Variants in CDH12 observed in about 807,000 individuals in gnomAD.
The protein encoded by CDH12 is cadherin-12.
CDH12 carries 41 observed loss-of-function variants against 74.1 expected under a neutral mutation model. The ratio of observed to expected loss-of-function variants is 0.55; its 90% CI spans 0.43 to 0.72. The LOEUF is 0.72. CDH12 is among the 30% of genes least tolerant of loss of function. The probability of loss-of-function intolerance (pLI) is 0.00; values close to 1 mark genes in which losing one functional copy is unlikely to be tolerated. For synonymous variants in CDH12, 399 were observed against 355.0 expected (o/e 1.12, Z -1.39); for missense variants, 945 against 977.2 (o/e 0.97, Z 0.44).
chr5:22,194,905 T>G (rs1323913432), intron 4 of CDH12, among the ~76,000 whole-genome samples: 1 of 152,042 alleles, frequency 6.6e-6, no homozygotes, highest in Non-Finnish European at 1.5e-5. Flanking sequence ...ACACAAGACT[T>G]TTTTTCTAAG....
At chr5:22,703,913 C>A (rs535802465) in intron 1 of CDH12, among the ~76,000 whole-genome samples, 1 of 152,026 alleles carries the variant, frequency 6.6e-6, no homozygotes, top group Admixed American at 6.6e-5. Flanking sequence ...TATTAAAACT[C>A]TTGGACAAAT....
intron 1 of CDH12, among the ~76,000 whole-genome samples, chr5:22,530,950 A>AT (rs1398633330): frequency 1.9e-4 from 29 of 152,110 alleles, no homozygotes; most frequent in African/African-American, 4.8e-4. Context: ...TCTAAGCTAG[A>AT]TTTTTTCTTA....
At chr5:21,996,714 A>C (rs1174314549) in intron 5 of CDH12, among the ~76,000 whole-genome samples, 1 of 152,204 alleles carries the variant, frequency 6.6e-6, no homozygotes, top group Admixed American at 6.5e-5. Flanking sequence ...GTTAAAAATA[A>C]AACAAGTTTT....
At chr5:22,797,057 C>T (rs1366311166) in intron 1 of CDH12, among the ~76,000 whole-genome samples, 4 of 151,666 alleles carry the variant, frequency 2.6e-5, no homozygotes, top group Non-Finnish European at 5.9e-5. Context: ...TTGCTGTAGA[C>T]TGAATGTTTG....
chr5:22,125,304 C>A (rs571705475), intron 4 of CDH12, among the ~76,000 whole-genome samples: 2 of 152,198 alleles, frequency 1.3e-5, no homozygotes, highest in South Asian at 4.2e-4. Flanking sequence ...TGTTCCCCTC[C>A]CTGTGTCCAT....
chr5:22,450,922 A>G (rs945637539), intron 2 of CDH12, among the ~76,000 whole-genome samples: 2 of 143,450 alleles, frequency 1.4e-5, no homozygotes, highest in Admixed American at 7.2e-5. Context: ...TAGGAACTAG[A>G]TTATCTTTCT....
At chr5:22,069,159 G>A (rs1460100539) in intron 5 of CDH12, among the ~76,000 whole-genome samples, 1 of 152,122 alleles carries the variant, frequency 6.6e-6, no homozygotes, top group Non-Finnish European at 1.5e-5. Flanking sequence ...CTTCCACACA[G>A]CACTGCTTCT....
intron 8 of CDH12, among the ~76,000 whole-genome samples, chr5:21,818,621 G>A (rs1304301387): frequency 6.6e-6 from 1 of 151,862 alleles, no homozygotes; most frequent in African/African-American, 2.4e-5. Flanking sequence ...GAACATATAT[G>A]TGATTTGGTC....
chr5:22,074,548 T>G (rs997602832), intron 5 of CDH12, among the ~76,000 whole-genome samples: 2 of 152,010 alleles, frequency 1.3e-5, no homozygotes, highest in African/African-American at 4.8e-5. Context: ...GGGAGAAAAT[T>G]TTTGCCATCT....
At chr5:22,356,728 T>G (rs2150469293) in intron 3 of CDH12, among the ~76,000 whole-genome samples, 1 of 152,246 alleles carries the variant, frequency 6.6e-6, no homozygotes, top group South Asian at 2.1e-4. Context: ...ACCAGTATCT[T>G]CAATACCAAT....
At chr5:22,258,831 G>A (rs887493415) in intron 3 of CDH12, among the ~76,000 whole-genome samples, 2 of 152,106 alleles carry the variant, frequency 1.3e-5, no homozygotes, top group Non-Finnish European at 2.9e-5. Context: ...GTGTGTAGGA[G>A]GCTATGCCAC....
At chr5:21,941,175 C>T (rs1755313623) in intron 6 of CDH12, among the ~76,000 whole-genome samples, 1 of 152,120 alleles carries the variant, frequency 6.6e-6, no homozygotes, top group Non-Finnish European at 1.5e-5. Context: ...CTTTCTAAGA[C>T]TATCTATAGG....
chr5:22,844,686 C>A (rs189947456), intron 1 of CDH12, among the ~76,000 whole-genome samples: 1 of 152,216 alleles, frequency 6.6e-6, no homozygotes, highest in African/African-American at 2.4e-5. Context: ...GAGAGATACT[C>A]CACAAGAGGA....
At chr5:22,489,690 C>CTTTTT (rs753962922) in intron 2 of CDH12, among the ~76,000 whole-genome samples, 3 of 120,656 alleles carry the variant, frequency 2.5e-5, no homozygotes, top group African/African-American at 9.3e-5. Context: ...TGCAGTGTAA[C>CTTTTT]TTTTTTTTTT....
chr5:21,809,690 C>G (rs1264200181), intron 9 of CDH12, among the ~76,000 whole-genome samples: 3 of 151,988 alleles, frequency 2.0e-5, no homozygotes, highest in Non-Finnish European at 4.4e-5. Context: ...AACAGTAAAC[C>G]AACAGAAGAT....
chr5:22,100,652 GACACAC>G (rs150777646), intron 4 of CDH12, among the ~76,000 whole-genome samples: 43 of 144,342 alleles, frequency 3.0e-4, no homozygotes, highest in South Asian at 1.4e-3. Flanking sequence ...CCATACATTA[GACACAC>G]ACACACACAC....
chr5:22,283,244 A>G (rs1736986683), intron 3 of CDH12, among the ~76,000 whole-genome samples: 2 of 140,612 alleles, frequency 1.4e-5, no homozygotes, highest in Non-Finnish European at 3.0e-5. Context: ...ATATATATAT[A>G]TATATATACA....
intron 1 of CDH12, among the ~76,000 whole-genome samples, chr5:22,578,726 T>C (rs1739921421): frequency 6.6e-6 from 1 of 152,086 alleles, no homozygotes; most frequent in Admixed American, 6.6e-5. Flanking sequence ...TTTCTTCTTC[T>C]TCATCTTTTT....
intron 3 of CDH12, among the ~76,000 whole-genome samples, chr5:22,346,620 T>C (rs994889239): frequency 6.6e-6 from 1 of 152,236 alleles, no homozygotes; most frequent in African/African-American, 2.4e-5. Flanking sequence ...ACAAGAAATG[T>C]CAATCTGGGA....
Sources: allele counts gnomAD v4.1 joint callset (sites outside exome capture counted in the v4.1 genomes callset), GRCh38; gene constraint gnomAD v4.1.1; transcripts MANE v1.5; gene names NCBI Gene and HGNC (gene_info 2026-07-23, HGNC 2026-07-21).